The following ACAP2 variants were observed in gnomAD, a reference collection of about 807,000 sequenced individuals.
ACAP2 encodes ArfGAP with coiled-coil, ankyrin repeat and PH domains 2.
In ACAP2, 39 loss-of-function variants were observed where a neutral mutation model predicts 115.8. That is an observed-to-expected ratio of 0.34 (90% confidence interval 0.26 to 0.44). The LOEUF is 0.44. ACAP2 is among the 20% of genes least tolerant of loss of function. The pLI is 1.00. For missense variants in ACAP2, 662 were observed against 927.6 expected (o/e 0.71, Z 3.72); for synonymous variants, 289 against 315.8 (o/e 0.92, Z 0.90).
At position 195,284,597 on chromosome 3, in the gene ACAP2, C is replaced by T. The variant is rs924373590; in HGVS notation, c.2236+1199G>A. Among the ~76,000 whole-genome samples the T allele has an allele frequency of 2.0e-5, 3 of 152,242 alleles. 1 individual carries two copies. The highest frequency in any genetic ancestry group is 6.8e-3 in the Middle Eastern group (2 of 294). ...GGCCAAAAATAAGCAGTAGTAAATA[C>T]GGTCCTCTGAGGAAAGAACGGCCTC... On this transcript the variant is annotated intron_variant, in intron 22 of 22. Coordinates refer to ENST00000326793, the MANE Select transcript of ACAP2 (RefSeq NM_012287.6).
chr3:195,309,147 A>G (rs1206440922), intron 10 of ACAP2, among the ~76,000 whole-genome samples: 3 of 152,240 alleles, frequency 2.0e-5, no homozygotes, highest in Non-Finnish European at 2.9e-5. Flanking sequence ...TTTAAAGTAC[A>G]AATTTACAGC....
chr3:195,364,528 G>A (rs1473479705), intron 4 of ACAP2, among the ~76,000 whole-genome samples: 1 of 151,930 alleles, frequency 6.6e-6, no homozygotes, highest in Non-Finnish European at 1.5e-5. Flanking sequence ...CTGACACCCC[G>A]CCACTCTACT....
At chr3:195,336,876 C>T (rs753005629) in intron 7 of ACAP2, 56 bp downstream of exon 7, 16 of 1,363,054 alleles carry the variant, frequency 1.2e-5, no homozygotes, top group South Asian at 2.4e-5. Flanking sequence ...CACCTAAATA[C>T]GTACATTTAG....
chr3:195,383,847 A>T (rs1734109215), intron 2 of ACAP2, among the ~76,000 whole-genome samples: 1 of 152,204 alleles, frequency 6.6e-6, no homozygotes. Context: ...ATTACCCCCC[A>T]AAAAAGAGAT....
chr3:195,301,447 G>T, intron 15 of ACAP2, 128 bp downstream of exon 15: 1 of 729,468 alleles, frequency 1.4e-6, no homozygotes, highest in South Asian at 1.9e-5. Context: ...AGCCTCAGAT[G>T]TGTTTCAATA....
rs1728485970 is a variant in ACAP2, at chr3:195,307,297, G to A, written c.936C>T (p.Asp312=). The part of the protein sequence containing the change: ...FKDNPTVVVE[D]LRLCTVKHCE... Reference sequence around the variant, plus strand: ...AATGTTTCACTGTGCAAAGCCTGAGGTCTTCAACTACCACAGTCGGATTAT... The same window carrying A: ...AATGTTTCACTGTGCAAAGCCTGAGATCTTCAACTACCACAGTCGGATTAT... Residue 312 remains aspartate, a synonymous_variant, in exon 12 of 23, where the codon GAC becomes GAT. Transcript: ENST00000326793. The A allele has an allele frequency of 1.2e-6, 2 of 1,612,754 alleles. No individual in the cohort carries two copies. Among genetic ancestry groups the A allele is most frequent in the African/African-American group, 1.3e-5 (1 of 74,854 alleles).
chr3:195,434,392 T>G (rs1053769278), intron 1 of ACAP2, among the ~76,000 whole-genome samples: 6 of 151,920 alleles, frequency 3.9e-5, no homozygotes, highest in Admixed American at 2.6e-4. Context: ...GCTATCACAC[T>G]TAGCTAATTT....
intron 1 of ACAP2, among the ~76,000 whole-genome samples, chr3:195,440,195 C>CA (rs1375074073): frequency 6.6e-6 from 1 of 151,078 alleles, no homozygotes; most frequent in Admixed American, 6.6e-5. Flanking sequence ...TTTAAAAAAC[C>CA]AAAAAGGGAA....
At chr3:195,374,815 T>C (rs1733411327) in intron 4 of ACAP2, among the ~76,000 whole-genome samples, 1 of 151,852 alleles carries the variant, frequency 6.6e-6, no homozygotes, top group Non-Finnish European at 1.5e-5. Flanking sequence ...CCCGGGTTCA[T>C]GCCATTCTCC....
intron 1 of ACAP2, among the ~76,000 whole-genome samples, chr3:195,414,772 A>C (rs1261666033): frequency 6.6e-6 from 1 of 152,210 alleles, no homozygotes; most frequent in Non-Finnish European, 1.5e-5. Flanking sequence ...TAACCAGTAT[A>C]ATCCAAATAT....
intron 8 of ACAP2, among the ~76,000 whole-genome samples, chr3:195,328,490 A>G (rs1370290570): frequency 6.6e-6 from 1 of 152,120 alleles, no homozygotes; most frequent in South Asian, 2.1e-4. Flanking sequence ...CAACTATGCT[A>G]CTCTATGATC....
At chr3:195,416,523 T>C (rs1177876485) in intron 1 of ACAP2, among the ~76,000 whole-genome samples, 1 of 152,156 alleles carries the variant, frequency 6.6e-6, no homozygotes, top group African/African-American at 2.4e-5. Context: ...TATACTGATA[T>C]AACACCTTTA....
chr3:195,278,537 T>G lies in ACAP2; in HGVS notation c.*791A>C, dbSNP rs1401829797. 6.6e-6 allele frequency: 1 copy of G among 152,132 alleles called. No individual in the cohort carries two copies. Among genetic ancestry groups the G allele is most frequent in the Non-Finnish European group, 1.5e-5 (1 of 68,028 alleles). The allele number at this position is 152,132 out of a possible 1,614,324, so 9.4% of individuals were successfully genotyped here. On this transcript the variant is annotated 3_prime_UTR_variant, in exon 23 of 23. Transcript: ENST00000326793. ...AGTAACCTTTAAAACATACTTTTAT[T>G]CCATCGATACATCTGTCAAGGTTTT...
intron 4 of ACAP2, among the ~76,000 whole-genome samples, chr3:195,375,146 C>A (rs561168763): frequency 6.6e-6 from 1 of 151,558 alleles, no homozygotes; most frequent in Non-Finnish European, 1.5e-5. Context: ...GAGCTAAGAT[C>A]GCACCACTGC....
At chr3:195,355,321 GCC>G (rs1731887451) in intron 4 of ACAP2, among the ~76,000 whole-genome samples, 1 of 123,178 alleles carries the variant, frequency 8.1e-6, no homozygotes, top group African/African-American at 3.1e-5. Context: ...TGTTCTTAAA[GCC>G]CTTCCTCATG....
chr3:195,291,657 A>G (rs757470255), intron 20 of ACAP2, 49 bp downstream of exon 20: 3 of 1,501,070 alleles, frequency 2.0e-6, no homozygotes, highest in Middle Eastern at 1.8e-4. Context: ...ATTAATTCAA[A>G]ATAATTTTTC....
intron 4 of ACAP2, among the ~76,000 whole-genome samples, chr3:195,369,981 G>A (rs1470485354): frequency 1.3e-5 from 2 of 152,134 alleles, no homozygotes; most frequent in Non-Finnish European, 2.9e-5. Flanking sequence ...TCTCATTGTG[G>A]TTTTGAGTTG....
rs566146301 is a variant in ACAP2 at position 195,318,827 on chromosome 3, C to G, written c.857+1874G>C. Among the ~76,000 whole-genome samples, 54 of 152,300 alleles carry G rather than the reference C, an allele frequency of 3.5e-4. No homozygotes were observed. The Middle Eastern group carries it at 0.017, about 48-fold the overall frequency. On this transcript the variant is annotated intron_variant, in intron 10 of 22. Coordinates refer to ENST00000326793, the MANE Select transcript of ACAP2 (RefSeq NM_012287.6). ...TTTTCTGAGGAGAAATTCAAGCCAG[C>G]TGCAAAAATTTGCAAAAATAATGAG...
At chr3:195,325,566 T>G (rs1462226595) in intron 9 of ACAP2, 1 of 387,226 alleles carries the variant, frequency 2.6e-6, no homozygotes, top group Non-Finnish European at 4.9e-6. Flanking sequence ...TCAAATAAAT[T>G]ATTCTTAGAG....
Sources: allele counts gnomAD v4.1 joint callset (sites outside exome capture counted in the v4.1 genomes callset), GRCh38; gene constraint gnomAD v4.1.1; transcripts MANE v1.5; gene names NCBI Gene and HGNC (gene_info 2026-07-23, HGNC 2026-07-21).